The following SLIT3 variants were observed in gnomAD, a reference collection of about 807,000 sequenced individuals.
The protein encoded by SLIT3 is slit guidance ligand 3.
SLIT3 carries 68 observed loss-of-function variants against 184.0 expected under a neutral mutation model. The observed-to-expected ratio is 0.37, with a 90% confidence interval of 0.30 to 0.45. SLIT3 has a LOEUF of 0.45. Ranked by LOEUF, SLIT3 falls within the 20% of genes least tolerant of loss-of-function variation. The pLI, the probability that SLIT3 is intolerant of heterozygous loss-of-function variation, is 1.00. For synonymous variants in SLIT3, 831 were observed against 828.6 expected (o/e 1.00, Z -0.05); for missense variants, 1,707 against 2,026.0 (o/e 0.84, Z 3.02).
At chr5:168,666,726 A>G in intron 35 of SLIT3, 37 bp from the exon 36 acceptor site, 1 of 1,613,634 alleles carries the variant, frequency 6.2e-7, no homozygotes, top group Non-Finnish European at 8.5e-7. Flanking sequence ...TTGGTGGTCT[A>G]GGTGGCCAGC....
At chr5:168,933,066 A>G (rs1302607714) in intron 4 of SLIT3, among the ~76,000 whole-genome samples, 1 of 152,202 alleles carries the variant, frequency 6.6e-6, no homozygotes, top group East Asian at 1.9e-4. Flanking sequence ...GGATCAAGAG[A>G]AGCTTGTGGG....
intron 5 of SLIT3, among the ~76,000 whole-genome samples, chr5:168,863,136 G>A (rs570688240): frequency 3.9e-5 from 6 of 152,192 alleles, no homozygotes; most frequent in Non-Finnish European, 7.3e-5. Context: ...CCCAAAGTCT[G>A]ACTTGCCTGA....
At chr5:169,016,622 C>T (rs1756389640) in intron 4 of SLIT3, among the ~76,000 whole-genome samples, 1 of 152,092 alleles carries the variant, frequency 6.6e-6, no homozygotes, top group Admixed American at 6.5e-5. Context: ...CTGTGCTGAG[C>T]TCCTCATATA....
chr5:169,034,455 G>A (rs1211754732), intron 4 of SLIT3, among the ~76,000 whole-genome samples: 2 of 152,060 alleles, frequency 1.3e-5, no homozygotes, highest in Non-Finnish European at 2.9e-5. Context: ...GTCCAATTTC[G>A]TTCTTTTACA....
Position 168,920,372 on chromosome 5 carries a change from C to T in SLIT3, c.414-37036G>A, listed in dbSNP as rs369432670. Among the ~76,000 whole-genome samples the T allele has an allele frequency of 2.0e-5, 3 of 152,118 alleles. No individual in the cohort carries two copies. The East Asian group carries it at 5.8e-4, about 29-fold the overall frequency. ...TACAGACTTCACCGGGTGGCTAACT[C>T]CCTTCTCCAGGATGCCTCACACGTT... On this transcript the variant is annotated intron_variant, in intron 4 of 35. Coordinates refer to ENST00000519560, the MANE Select transcript of SLIT3 (RefSeq NM_003062.4).
chr5:169,010,050 G>C (rs1756086921), intron 4 of SLIT3, among the ~76,000 whole-genome samples: 1 of 152,152 alleles, frequency 6.6e-6, no homozygotes, highest in African/African-American at 2.4e-5. Context: ...AACCAATCGA[G>C]TTTTACAGGA....
chr5:168,753,951 G>T lies in SLIT3; in HGVS notation c.1742C>A (p.Ala581Asp). 1 of 1,610,892 alleles carries T rather than the reference G, an allele frequency of 6.2e-7. No homozygotes were observed. The change falls in exon 17 of 36, where the codon GCC becomes GAC. Residue 581 changes from alanine (A) to aspartate (D), a missense_variant. Ala to Asp is a moderately radical substitution (Grantham distance 126). Around this residue, in one of 3 missense-constraint regions of SLIT3, gnomAD observed 1,307 missense variants for 1,511.6 expected, o/e 0.86. Coordinates refer to ENST00000519560, the MANE Select transcript of SLIT3 (RefSeq NM_003062.4). Reference protein sequence around the residue: ...EVREGAFDGAASVQELMLTGN... With the variant: ...EVREGAFDGADSVQELMLTGN... ...TGTCAGCATCAGCTCCTGCACGCTGGCTGCTCCATCGAAAGCTCCCTCTCG... is the reference window on the plus strand; with the variant it reads ...TGTCAGCATCAGCTCCTGCACGCTGTCTGCTCCATCGAAAGCTCCCTCTCG...
At chr5:169,077,132 G>A (rs1318807237) in intron 4 of SLIT3, among the ~76,000 whole-genome samples, 1 of 152,158 alleles carries the variant, frequency 6.6e-6, no homozygotes, top group Non-Finnish European at 1.5e-5. Context: ...ATGTGAGGAG[G>A]ACAAGGATGA....
intron 4 of SLIT3, among the ~76,000 whole-genome samples, chr5:169,084,561 G>T (rs1241205433): frequency 6.6e-6 from 1 of 151,168 alleles, no homozygotes; most frequent in Admixed American, 6.6e-5. Flanking sequence ...ATCTGCCTCG[G>T]CCTCCCAAAG....
chr5:169,018,667 C>T (rs137881732), intron 4 of SLIT3: 2 of 152,292 alleles, frequency 1.3e-5, no homozygotes, highest in African/African-American at 2.4e-5. Flanking sequence ...GTCTTATCTC[C>T]GAGTTGGGTG....
At chr5:169,185,417 C>A (rs297882) in intron 4 of SLIT3, among the ~76,000 whole-genome samples, 1 of 152,056 alleles carries the variant, frequency 6.6e-6, no homozygotes, top group African/African-American at 2.4e-5. Context: ...AGCAGGTCTC[C>A]GCATCCAGCT....
intron 5 of SLIT3, among the ~76,000 whole-genome samples, chr5:168,846,982 A>G (rs1172749763): frequency 2.0e-5 from 3 of 152,222 alleles, no homozygotes; most frequent in Non-Finnish European, 2.9e-5. Flanking sequence ...GATTTTTTTA[A>G]AAGACTAAAC....
chr5:169,084,468 T>G (rs1759205017), intron 4 of SLIT3, among the ~76,000 whole-genome samples: 1 of 149,460 alleles, frequency 6.7e-6, no homozygotes, highest in African/African-American at 2.5e-5. Context: ...TTTTTTTTTT[T>G]TTTTTTTTTT....
At chr5:169,157,245 C>A (rs1172702728) in intron 4 of SLIT3, among the ~76,000 whole-genome samples, 1 of 150,436 alleles carries the variant, frequency 6.6e-6, no homozygotes, top group African/African-American at 2.5e-5. Context: ...AAAAGGTACC[C>A]CTCCCCTGTG....
At chr5:169,022,052 C>T (rs1239006972) in intron 4 of SLIT3, 1 of 152,162 alleles carries the variant, frequency 6.6e-6, no homozygotes, top group Non-Finnish European at 1.5e-5. Context: ...TAGGAGTCTC[C>T]CTCCACCAAA....
chr5:169,129,826 T>TG (rs912853972), intron 4 of SLIT3, among the ~76,000 whole-genome samples: 1 of 151,014 alleles, frequency 6.6e-6, no homozygotes, highest in Non-Finnish European at 1.5e-5. Context: ...TGGTGGTTTT[T>TG]TTTGTTTGTT....
At chr5:168,720,647 G>A (rs1369280323) in intron 23 of SLIT3, 2 of 152,236 alleles carry the variant, frequency 1.3e-5, no homozygotes, top group African/African-American at 4.8e-5. Context: ...ATCTCCTGCT[G>A]TGTTCAACTG....
At chr5:168,759,133 C>T (rs936048896) in intron 16 of SLIT3, among the ~76,000 whole-genome samples, 2 of 152,132 alleles carry the variant, frequency 1.3e-5, no homozygotes, top group Non-Finnish European at 2.9e-5. Context: ...CTGAAACACT[C>T]CTGATCCCAT....
chr5:169,204,098 G>C (rs1183052355), intron 3 of SLIT3, among the ~76,000 whole-genome samples: 1 of 152,138 alleles, frequency 6.6e-6, no homozygotes, highest in Non-Finnish European at 1.5e-5. Context: ...ACACGAGCCA[G>C]AGAGAGGAGG....
Sources: allele counts gnomAD v4.1 joint callset (sites outside exome capture counted in the v4.1 genomes callset), GRCh38; gene constraint gnomAD v4.1.1; regional missense constraint gnomAD v4.1.1; transcripts MANE v1.5; gene names NCBI Gene and HGNC (gene_info 2026-07-23, HGNC 2026-07-21).